The following SWT1 variants were observed in gnomAD, a reference collection of about 807,000 sequenced individuals.
The protein encoded by SWT1 is SWT1 RNA endoribonuclease homolog.
SWT1 carries 33 observed loss-of-function variants against 107.3 expected under a neutral mutation model. The observed-to-expected ratio is 0.31, with a 90% CI of 0.23 to 0.41. The LOEUF (loss-of-function observed/expected upper bound fraction) is 0.41. Ranked by LOEUF, SWT1 falls within the 10% of genes least tolerant of loss-of-function variation. The pLI, the probability that SWT1 is intolerant of heterozygous loss-of-function variation, is 1.00. For missense variants in SWT1, 898 were observed against 1,028.9 expected, an observed-to-expected ratio of 0.87 and a Z score of 1.74; for synonymous variants, 345 against 348.3, an observed-to-expected ratio of 0.99 and a Z score of 0.11.
chr1:185,238,304 C>T (rs569803428), intron 16 of SWT1, among the ~76,000 whole-genome samples: 1 of 152,110 alleles, frequency 6.6e-6, no homozygotes, highest in South Asian at 2.1e-4. Flanking sequence ...ATTTTTAAAG[C>T]TATCTTGAGC....
chr1:185,206,800 A>T (rs749717761), intron 13 of SWT1, 37 bp downstream of exon 13: 1 of 1,445,706 alleles, frequency 6.9e-7, no homozygotes, highest in African/African-American at 1.4e-5. Flanking sequence ...GCAGTGTTGT[A>T]TTAAGTCAGA....
intron 16 of SWT1, among the ~76,000 whole-genome samples, chr1:185,250,876 A>G (rs1661962044): frequency 6.6e-6 from 1 of 152,044 alleles, no homozygotes; most frequent in Non-Finnish European, 1.5e-5. Context: ...TTGGCCAGGC[A>G]GGTCTCAAAC....
chr1:185,194,509 G>A (rs898437507), intron 10 of SWT1, among the ~76,000 whole-genome samples: 1 of 150,690 alleles, frequency 6.6e-6, no homozygotes, highest in Non-Finnish European at 1.5e-5. Flanking sequence ...ATATTATACT[G>A]CTTCACAGGT....
At chr1:185,227,122 C>G in intron 15 of SWT1, 6 of 1,229,668 alleles carry the variant, frequency 4.9e-6, no homozygotes, top group Non-Finnish European at 5.9e-6. Flanking sequence ...CAGTGTACTT[C>G]TGCATTAAAT....
intron 18 of SWT1, among the ~76,000 whole-genome samples, chr1:185,287,985 A>G (rs1169769232): frequency 1.3e-5 from 2 of 152,242 alleles, no homozygotes; most frequent in South Asian, 4.1e-4. Flanking sequence ...AATAGATTCA[A>G]AAGTCTAGTT....
intron 15 of SWT1, among the ~76,000 whole-genome samples, chr1:185,223,097 C>G (rs879745491): frequency 6.6e-6 from 1 of 152,188 alleles, no homozygotes; most frequent in Non-Finnish European, 1.5e-5. Context: ...TACGGTAGTT[C>G]GGTTTTTAAT....
At chr1:185,186,394 G>C (rs972252623) in intron 9 of SWT1, among the ~76,000 whole-genome samples, 2 of 152,118 alleles carry the variant, frequency 1.3e-5, no homozygotes, top group African/African-American at 4.8e-5. Flanking sequence ...TAAGCCTAAG[G>C]ATAATAATTG....
intron 16 of SWT1, among the ~76,000 whole-genome samples, chr1:185,234,705 G>A (rs1178984498): frequency 6.6e-6 from 1 of 152,106 alleles, no homozygotes; most frequent in Non-Finnish European, 1.5e-5. Context: ...TCTTCATAGT[G>A]TCGATGGTCT....
intron 1 of SWT1, among the ~76,000 whole-genome samples, chr1:185,158,901 T>C (rs1653892031): frequency 2.0e-5 from 3 of 152,194 alleles, no homozygotes. Context: ...GCAGTGAAGA[T>C]ATGTGCCAGG....
intron 15 of SWT1, chr1:185,227,320 C>T: frequency 1.4e-6 from 1 of 737,598 alleles, no homozygotes; most frequent in South Asian, 1.4e-5. Flanking sequence ...TATTCATTGC[C>T]AGTCTCTTCC....
intron 16 of SWT1, among the ~76,000 whole-genome samples, chr1:185,268,694 A>G (rs956668209): frequency 1.3e-5 from 2 of 152,180 alleles, no homozygotes; most frequent in Non-Finnish European, 2.9e-5. Flanking sequence ...GGAGTCTAAT[A>G]TAGTATGTTA....
At chr1:185,281,407 A>G in intron 18 of SWT1, 1 of 229,610 alleles carries the variant, frequency 4.4e-6, no homozygotes. Context: ...AGAGTCAAAC[A>G]CTTGTTATGA....
At chr1:185,173,853 CAA>C (rs367609922) in intron 4 of SWT1, among the ~76,000 whole-genome samples, 13 of 152,008 alleles carry the variant, frequency 8.6e-5, no homozygotes, top group African/African-American at 3.1e-4. Flanking sequence ...CTTGTCACTA[CAA>C]AAAAATTACA....
chr1:185,163,244 G>A (rs111399533), intron 2 of SWT1, among the ~76,000 whole-genome samples: 3 of 152,262 alleles, frequency 2.0e-5, no homozygotes, highest in African/African-American at 7.2e-5. Flanking sequence ...CAAAATTGGA[G>A]TTAGTCTCTC....
chr1:185,249,678 A>G (rs967956772), intron 16 of SWT1, among the ~76,000 whole-genome samples: 1 of 152,022 alleles, frequency 6.6e-6, no homozygotes, highest in Non-Finnish European at 1.5e-5. Context: ...TACTCTCAAC[A>G]TTCGTGTTCC....
intron 13 of SWT1, among the ~76,000 whole-genome samples, chr1:185,208,134 G>A (rs528756452): frequency 1.8e-4 from 27 of 152,222 alleles, no homozygotes; most frequent in African/African-American, 6.5e-4. Flanking sequence ...ATGAAGAATA[G>A]GAGATGATTA....
chr1:185,174,625 G>A lies in SWT1; in HGVS notation c.478G>A (p.Val160Met), dbSNP rs780211031. 1 of 1,612,434 alleles carries A rather than the reference G, an allele frequency of 6.2e-7. No individual in the cohort carries two copies. Among genetic ancestry groups the A allele is most frequent in the Admixed American group, 1.7e-5 (1 of 59,612 alleles). The change falls in exon 5 of 19, where the codon GTG becomes ATG. Residue 160 changes from valine to methionine, a missense_variant. Val to Met is a conservative substitution (Grantham distance 21). Transcript: ENST00000367500. ...TAGTAGTCCTAAGATTGCCAGTGATGTGAAACCTAAAGCCGAAGGCCAGGC... is the reference window on the plus strand; with the variant it reads ...TAGTAGTCCTAAGATTGCCAGTGATATGAAACCTAAAGCCGAAGGCCAGGC... The part of the protein sequence containing the change: ...SLSSPKIASD[V>M]KPKAEGQASE...
At chr1:185,264,452 A>G in intron 16 of SWT1, 1 of 984,412 alleles carries the variant, frequency 1.0e-6, no homozygotes, top group South Asian at 4.7e-5. Context: ...AAGCTATGTG[A>G]TAATTTGTGG....
intron 18 of SWT1, among the ~76,000 whole-genome samples, chr1:185,289,263 C>A (rs1481817088): frequency 6.6e-6 from 1 of 152,220 alleles, no homozygotes; most frequent in African/African-American, 2.4e-5. Context: ...TGCACAAATT[C>A]TTACATAGCC....
Sources: gnomAD v4.1 joint callset for allele counts (sites outside exome capture counted in the v4.1 genomes callset) on GRCh38, gnomAD v4.1.1 for gene constraint, MANE v1.5 for transcripts, NCBI Gene and HGNC (gene_info 2026-07-23, HGNC 2026-07-21) for gene names.